The following TRMT2B variants were observed in gnomAD, a reference collection of about 807,000 sequenced individuals.
The protein encoded by TRMT2B is tRNA methyltransferase 2B.
In TRMT2B, 34 loss-of-function variants were observed where a neutral mutation model predicts 39.7. That is an observed-to-expected ratio of 0.86 (90% CI 0.65 to 1.14). TRMT2B has a LOEUF of 1.14. Ranked by LOEUF, TRMT2B falls within the 50% of genes most tolerant of loss-of-function variation. The pLI is 0.00. For synonymous variants in TRMT2B, 132 were observed against 137.3 expected, an observed-to-expected ratio of 0.96 and a Z score of 0.27; for missense variants, 318 against 377.2, an observed-to-expected ratio of 0.84 and a Z score of 1.30.
At chrX:101,040,882 G>A (rs1190339509) in intron 4 of TRMT2B, among the ~76,000 whole-genome samples, 3 of 111,649 alleles carry the variant, frequency 2.7e-5, no homozygotes, top group Non-Finnish European at 3.8e-5. Context: ...ATAGCATAAT[G>A]AGTTTAAGAA....
At chrX:101,015,807 A>AT (rs60358658) in intron 13 of TRMT2B, among the ~76,000 whole-genome samples, 2 of 110,440 alleles carry the variant, frequency 1.8e-5, no homozygotes, top group South Asian at 3.9e-4. Context: ...ACAGTGGCTC[A>AT]GCCTGTAATC....
chrX:101,045,170 G>A (rs917087716), intron 2 of TRMT2B, among the ~76,000 whole-genome samples: 31 of 109,429 alleles, frequency 2.8e-4, no homozygotes, highest in African/African-American at 9.6e-4. Context: ...AAATAAAAAA[G>A]GGGGCTGGGC....
At chrX:101,020,465 A>G (rs764359829) in intron 11 of TRMT2B, 22 bp downstream of exon 11, 6 of 1,157,779 alleles carry the variant, frequency 5.2e-6, no homozygotes, top group Non-Finnish European at 7.1e-6. Flanking sequence ...CTTAATTTCT[A>G]CACAGACTGT....
At position 101,051,751 on chromosome X, in the gene TRMT2B, A is replaced by C; in HGVS notation, c.-506-18T>G. The C allele has an allele frequency of 2.8e-6, 2 of 724,118 alleles. No individual in the cohort carries two copies. The highest frequency in any genetic ancestry group is 3.3e-6 in the Non-Finnish European group (2 of 611,315). 59.7% of individuals were successfully genotyped at this position (724,118 alleles called of 1,213,427 possible). A position where few individuals can be genotyped will look rare whatever the true frequency, so the allele number is the denominator to read the frequency against. ...GGAGTTTTCTGTAAAGCAAGGGTTA[A>C]ATCAGGTTTTCCGGGCTATTTATCC... is the stretch of plus-strand genomic sequence containing the variant. On this transcript the variant is annotated intron_variant, in intron 1 of 13. Coordinates refer to ENST00000372936, the MANE Select transcript of TRMT2B (RefSeq NM_024917.6).
downstream of TRMT2B, among the ~76,000 whole-genome samples, chrX:101,007,183 T>G (rs5921704): frequency 0.47 from 51,386 of 109,868 alleles, 9,741 homozygotes; most frequent in African/African-American, 0.7. Flanking sequence ...ACCAGAAGAG[T>G]TAGGGAAAAG....
chrX:101,023,472 G>A lies in TRMT2B; in HGVS notation c.754C>T (p.Gln252Ter). The A allele has an allele frequency of 8.3e-7, 1 of 1,207,389 alleles. No homozygotes were observed. Among genetic ancestry groups the A allele is most frequent in the Non-Finnish European group, 1.1e-6 (1 of 891,924 alleles). ...GCTTAACATCTTGTGAGGCTCACCT[G>A]ACTTAATTTCTGGGGATGGAAAGTG... ...IITFHPQKLSQEELHVQKEIV... is the reference protein window; with the variant it reads ...IITFHPQKLS Residue 252 changes from glutamine (Q) to a stop codon, truncating the protein, a stop_gained and splice_region_variant, in exon 8 of 14, where the codon CAG becomes TAG. Coordinates refer to ENST00000372936, the MANE Select transcript of TRMT2B (RefSeq NM_024917.6). LOFTEE classifies it high-confidence loss of function.
At chrX:101,002,913 C>T in the TRMT2B span, among the ~76,000 whole-genome samples, 6 of 110,656 alleles carry the variant, frequency 5.4e-5, no homozygotes, top group African/African-American at 2.0e-4. Flanking sequence ...AGTTAGAAAG[C>T]AATCATTTGT....
intron 13 of TRMT2B, among the ~76,000 whole-genome samples, chrX:101,011,622 G>A (rs184145824): frequency 9.0e-6 from 1 of 111,394 alleles, no homozygotes; most frequent in Non-Finnish European, 1.9e-5. Context: ...GTCCGGGCAT[G>A]GTGGCTCATG....
chrX:101,037,108 G>A (rs1342584822), intron 5 of TRMT2B, 35 bp from the exon 6 acceptor site: 3 of 1,040,695 alleles, frequency 2.9e-6, no homozygotes, highest in Non-Finnish European at 4.1e-6. Context: ...GGGGATGAGA[G>A]GTCAAATGAA....
chrX:101,009,327 G>A (rs778943167), downstream of TRMT2B: 1 of 110,451 alleles, frequency 9.1e-6, no homozygotes, highest in Admixed American at 9.8e-5. Context: ...ATGAAATCAT[G>A]GACTAGAGAA....
chrX:100,982,470 A>AAAAT, the TRMT2B span, among the ~76,000 whole-genome samples: 1,578 of 91,275 alleles, frequency 0.017, 45 homozygotes, highest in African/African-American at 0.052. Context: ...CCAGGCTTAA[A>AAAAT]AAATAAATAA....
Position 101,010,409 on chromosome X carries a change from C to CAA in TRMT2B, c.*170_*171dup. On this transcript the variant is annotated 3_prime_UTR_variant, in exon 14 of 14. Transcript: ENST00000372936. Reference sequence around the variant, plus strand: ...CCTGGGCAAGAGTGAGACTCTATCTCAAAAAAAAAATCTGCCTCAGACCAG... The same window carrying CAA: ...CCTGGGCAAGAGTGAGACTCTATCTCAAAAAAAAAAAATCTGCCTCAGACCAG... The CAA allele has an allele frequency of 2.6e-5, 13 of 495,085 alleles. No individual in the cohort carries two copies. Among genetic ancestry groups the CAA allele is most frequent in the South Asian group, 3.8e-5 (1 of 26,021 alleles). The allele number at this position is 495,085 out of a possible 1,213,427, so 40.8% of individuals were successfully genotyped here.
intron 7 of TRMT2B, among the ~76,000 whole-genome samples, chrX:101,028,278 C>T (rs1213835922): frequency 1.6e-4 from 17 of 109,274 alleles, no homozygotes; most frequent in Admixed American, 1.1e-3. Flanking sequence ...ACCACCACAT[C>T]CGGCTAATTT....
At chrX:101,051,115 G>T in intron 2 of TRMT2B, 136 bp downstream of exon 2, 1 of 178,473 alleles carries the variant, frequency 5.6e-6, no homozygotes, top group South Asian at 2.5e-4. Context: ...GAGCAGTCGT[G>T]CTCGACTGTT....
the TRMT2B span, chrX:100,974,096 C>G: frequency 8.9e-7 from 1 of 1,122,178 alleles, no homozygotes; most frequent in African/African-American, 1.8e-5. Context: ...TGTTTTAAGA[C>G]TTTGGGCTCA....
At chrX:100,979,949 T>TG in the TRMT2B span, among the ~76,000 whole-genome samples, 1 of 111,301 alleles carries the variant, frequency 9.0e-6, no homozygotes, top group Admixed American at 9.5e-5. Context: ...CCCAAACAAA[T>TG]GGAGTCTCTC....
At chrX:100,976,149 G>A in the TRMT2B span, among the ~76,000 whole-genome samples, 2 of 109,669 alleles carry the variant, frequency 1.8e-5, no homozygotes, top group African/African-American at 6.6e-5. Flanking sequence ...ATTGAAAAAC[G>A]TGGGGATAAT....
the TRMT2B span, chrX:100,990,411 C>T: frequency 1.1e-6 from 1 of 944,843 alleles, no homozygotes; most frequent in Non-Finnish European, 1.3e-6. Flanking sequence ...GATATCCCTC[C>T]CTTAGCAAAC....
chrX:101,000,369 G>A, the TRMT2B span, among the ~76,000 whole-genome samples: 1 of 110,563 alleles, frequency 9.0e-6, no homozygotes, highest in South Asian at 3.8e-4. Context: ...TGATCCACCT[G>A]CCTTGGCCTC....
Sources: gnomAD v4.1 joint callset for allele counts (sites outside exome capture counted in the v4.1 genomes callset) on GRCh38, gnomAD v4.1.1 for gene constraint, MANE v1.5 for transcripts, NCBI Gene and HGNC (gene_info 2026-07-23, HGNC 2026-07-21) for gene names.